The following CASK variants were observed in gnomAD, a reference collection of about 807,000 sequenced individuals.
CASK encodes calcium/calmodulin dependent serine protein kinase.
CASK carries 4 observed loss-of-function variants against 82.9 expected under a neutral mutation model. That is an observed-to-expected ratio of 0.05 (90% CI 0.02 to 0.11). CASK has a LOEUF of 0.11. Among genes scored for constraint, CASK ranks in the 10% least tolerant of loss-of-function variants. The pLI, the probability that CASK is intolerant of heterozygous loss-of-function variation, is 1.00. For missense variants in CASK, 358 were observed against 720.9 expected (o/e 0.50, Z 5.76); for synonymous variants, 259 against 253.5 (o/e 1.02, Z -0.20).
intron 14 of CASK, 136 bp downstream of exon 14, chrX:41,586,771 G>T: frequency 2.1e-6 from 1 of 474,395 alleles, no homozygotes; most frequent in Non-Finnish European, 3.7e-6. Context: ...GTATTACCTG[G>T]TATTGTAATC....
chrX:41,792,134 T>C (rs1424095176), intron 2 of CASK, among the ~76,000 whole-genome samples: 1 of 111,659 alleles, frequency 9.0e-6, no homozygotes, highest in East Asian at 2.8e-4. Context: ...TTAGGGAAGC[T>C]GGTTCAAGTG....
intron 2 of CASK, among the ~76,000 whole-genome samples, chrX:41,834,431 TAAA>T (rs1003088506): frequency 3.6e-5 from 4 of 112,092 alleles, no homozygotes; most frequent in Non-Finnish European, 5.6e-5. Flanking sequence ...GTGGTTCCCT[TAAA>T]ACTATTCGTG....
intron 1 of CASK, among the ~76,000 whole-genome samples, chrX:41,863,740 ACTC>A (rs1380077568): frequency 1.3e-4 from 15 of 111,627 alleles, no homozygotes; most frequent in Non-Finnish European, 2.5e-4. Flanking sequence ...CCTCCTCTTC[ACTC>A]CTCCTTCTCT....
At chrX:41,594,386 A>G (rs2065786683) in intron 12 of CASK, among the ~76,000 whole-genome samples, 1 of 112,245 alleles carries the variant, frequency 8.9e-6, no homozygotes, top group African/African-American at 3.2e-5. Flanking sequence ...TAGATGCCCC[A>G]AAAGAACCAC....
At position 41,884,302 on chromosome X, in the gene CASK, G is replaced by A. The variant is rs192233132; in HGVS notation, c.60-31075C>T. ...TTCTATCTATGTAACAATGAAGGAG[G>A]GGGCAGTTTGTGGGACACCAGACCA... is the stretch of plus-strand genomic sequence containing the variant. On this transcript the variant is annotated intron_variant, in intron 1 of 26. Coordinates refer to ENST00000378163, the MANE Select transcript of CASK (RefSeq NM_001367721.1). Among the ~76,000 whole-genome samples the A allele has an allele frequency of 3.6e-5, 4 of 111,969 alleles. No homozygotes were observed. The Admixed American group carries it at 3.8e-4, about 11-fold the overall frequency.
chrX:41,648,170 C>T (rs931131760), intron 8 of CASK, among the ~76,000 whole-genome samples: 1 of 110,927 alleles, frequency 9.0e-6, no homozygotes, highest in African/African-American at 3.3e-5. Context: ...AACTGGCCCC[C>T]GCCCACCCCG....
At chrX:41,908,372 TCAAA>T (rs755567303) in intron 1 of CASK, among the ~76,000 whole-genome samples, 2 of 111,841 alleles carry the variant, frequency 1.8e-5, no homozygotes, top group Non-Finnish European at 3.8e-5. Flanking sequence ...CAAGACTCTG[TCAAA>T]CAAACAAACA....
At chrX:41,605,557 A>T (rs1473991953) in intron 12 of CASK, among the ~76,000 whole-genome samples, 5 of 111,359 alleles carry the variant, frequency 4.5e-5, no homozygotes, top group Non-Finnish European at 9.4e-5. Flanking sequence ...AGCCTGGGAG[A>T]GCCCTGTCTT....
intron 2 of CASK, among the ~76,000 whole-genome samples, chrX:41,818,441 A>T (rs2070457524): frequency 9.2e-6 from 1 of 108,138 alleles, no homozygotes; most frequent in Non-Finnish European, 1.9e-5. Context: ...CATCTCTACA[A>T]AACATACAAA....
chrX:41,770,782 G>T (rs1259288461), intron 3 of CASK, among the ~76,000 whole-genome samples: 3 of 110,885 alleles, frequency 2.7e-5, no homozygotes, highest in Admixed American at 9.7e-5. Flanking sequence ...ATTAACATCA[G>T]ATTAAACAGT....
intron 12 of CASK, among the ~76,000 whole-genome samples, chrX:41,604,628 A>G (rs1218973873): frequency 9.0e-6 from 1 of 111,367 alleles, no homozygotes; most frequent in Non-Finnish European, 1.9e-5. Context: ...AACTTGTGGT[A>G]CTTTGTTATG....
chrX:41,858,383 C>T (rs778521050), intron 1 of CASK, among the ~76,000 whole-genome samples: 5 of 112,358 alleles, frequency 4.5e-5, no homozygotes, highest in South Asian at 3.7e-4. Context: ...TTCTCTGCTG[C>T]CTAGACTAGC....
chrX:41,900,739 C>CTTTTTTTTTTT (rs759671263), intron 1 of CASK, among the ~76,000 whole-genome samples: 1 of 50,161 alleles, frequency 2.0e-5, no homozygotes, highest in African/African-American at 9.2e-5. Context: ...ATTTTGAAAT[C>CTTTTTTTTTTT]TTTTTTTTTT....
chrX:41,611,890 G>A (rs2066061188), intron 11 of CASK, among the ~76,000 whole-genome samples: 1 of 111,337 alleles, frequency 9.0e-6, no homozygotes, highest in African/African-American at 3.3e-5. Context: ...TGGTGGAGAC[G>A]GGGTTTCGCT....
intron 1 of CASK, among the ~76,000 whole-genome samples, chrX:41,888,332 ATTTT>A (rs939839936): frequency 1.9e-5 from 2 of 107,431 alleles, no homozygotes; most frequent in Non-Finnish European, 3.9e-5. Context: ...TGATTCATTT[ATTTT>A]TTTTTTATTT....
At chrX:41,608,796 A>C (rs2065995725) in intron 12 of CASK, among the ~76,000 whole-genome samples, 1 of 112,266 alleles carries the variant, frequency 8.9e-6, no homozygotes, top group Non-Finnish European at 1.9e-5. Context: ...ACAATGTTAA[A>C]TATGAAATGT....
intron 25 of CASK, among the ~76,000 whole-genome samples, chrX:41,530,616 G>T (rs2064787289): frequency 8.9e-6 from 1 of 112,317 alleles, no homozygotes; most frequent in Admixed American, 9.4e-5. Context: ...TGTGCTGGTA[G>T]AGGCTCTGAT....
At chrX:41,612,309 G>A (rs1413535053) in intron 11 of CASK, among the ~76,000 whole-genome samples, 6 of 109,575 alleles carry the variant, frequency 5.5e-5, no homozygotes, top group African/African-American at 1.7e-4. Context: ...CCTCTGCCCC[G>A]CCGCCCCGTC....
intron 3 of CASK, among the ~76,000 whole-genome samples, chrX:41,752,890 T>C (rs2068822066): frequency 8.9e-6 from 1 of 111,986 alleles, no homozygotes; most frequent in East Asian, 2.8e-4. Flanking sequence ...ACCTTAAACA[T>C]GTATATGTCC....
Sources: gnomAD v4.1 joint callset for allele counts (sites outside exome capture counted in the v4.1 genomes callset) on GRCh38, gnomAD v4.1.1 for gene constraint, MANE v1.5 for transcripts, NCBI Gene and HGNC (gene_info 2026-07-23, HGNC 2026-07-21) for gene names.